RBFOX3: variants seen among roughly 807,000 people sequenced by gnomAD.
The protein encoded by RBFOX3 is RNA binding protein fox-1 homolog 3.
RBFOX3 carries 17 observed loss-of-function variants against 48.7 expected under a neutral mutation model. The observed-to-expected ratio is 0.35, with a 90% confidence interval of 0.24 to 0.52. The LOEUF is 0.52. Ranked by LOEUF, RBFOX3 falls within the 20% of genes least tolerant of loss-of-function variation. The probability of loss-of-function intolerance (pLI) is 0.94; values close to 1 mark genes in which losing one functional copy is unlikely to be tolerated. For missense variants in RBFOX3, 382 were observed against 497.5 expected, an observed-to-expected ratio of 0.77 and a Z score of 2.21; for synonymous variants, 212 against 209.5, an observed-to-expected ratio of 1.01 and a Z score of -0.10.
intron 1 of RBFOX3, among the ~76,000 whole-genome samples, chr17:79,533,293 G>A (rs1032840495): frequency 5.9e-5 from 9 of 152,268 alleles, no homozygotes; most frequent in South Asian, 2.1e-4. Flanking sequence ...GCAGAGAGTC[G>A]AGTCCAGGCA....
In RBFOX3 at chr17:79,299,527, G is replaced by C. The variant is rs1375380867; in HGVS notation, c.-74+8197C>G. Among the ~76,000 whole-genome samples the C allele has an allele frequency of 6.6e-6, 1 of 152,230 alleles. No homozygotes were observed. Among genetic ancestry groups the C allele is most frequent in the East Asian group, 1.9e-4 (1 of 5,190 alleles). The stretch of plus-strand genomic sequence containing the variant: ...GAGGCCTTGTGCGTCACCTAGAGGT[G>C]ATCTCCAGGGTACTGGAGGATGCAC... On this transcript the variant is annotated intron_variant, in intron 3 of 14. Transcript: ENST00000693108. The surrounding 1 kb of genome is among the most constrained non-coding windows in gnomAD (Gnocchi z 4.5).
Position 79,482,061 on chromosome 17 carries a change from G to T in RBFOX3, c.-175+393C>A, listed in dbSNP as rs367856957. Among the ~76,000 whole-genome samples, 2 of 152,132 alleles carry T rather than the reference G, an allele frequency of 1.3e-5. No individual in the cohort carries two copies. Among genetic ancestry groups the T allele is most frequent in the African/African-American group, 2.4e-5 (1 of 41,422 alleles). On this transcript the variant is annotated intron_variant, in intron 2 of 14. Coordinates refer to ENST00000693108, the MANE Select transcript of RBFOX3 (RefSeq NM_001350451.2). The surrounding 1 kb of genome is among the most constrained non-coding windows in gnomAD (Gnocchi z 4.1). ...AAGGCTTCAGGGCCCTCCCTGAGCC[G>T]CGGAGCAATCTGGGCAGCAGAACAC...
At chr17:79,647,465 C>T in the RBFOX3 span, among the ~76,000 whole-genome samples, 1 of 152,128 alleles carries the variant, frequency 6.6e-6, no homozygotes, top group African/African-American at 2.4e-5. Context: ...ATGCAACTGC[C>T]GGGGAGGATG....
chr17:79,278,062 A>G (rs574232008), intron 3 of RBFOX3, among the ~76,000 whole-genome samples: 1 of 152,336 alleles, frequency 6.6e-6, no homozygotes, highest in East Asian at 1.9e-4. Flanking sequence ...ATGTACACAA[A>G]ATGCCAACAT....
At chr17:79,310,499 A>C (rs1598202684) in intron 2 of RBFOX3, among the ~76,000 whole-genome samples, 1 of 149,130 alleles carries the variant, frequency 6.7e-6, no homozygotes, top group Admixed American at 6.7e-5. Context: ...GGCCCCTCCC[A>C]CCCCTCTCTT....
intron 1 of RBFOX3, among the ~76,000 whole-genome samples, chr17:79,500,505 C>T (rs1473060577): frequency 1.3e-5 from 2 of 152,134 alleles, no homozygotes; most frequent in Non-Finnish European, 2.9e-5. Context: ...GATCCTCCCG[C>T]CTTGGCCTCC....
intron 2 of RBFOX3, among the ~76,000 whole-genome samples, chr17:79,408,376 G>A (rs762093013): frequency 6.6e-6 from 1 of 152,186 alleles, no homozygotes; most frequent in African/African-American, 2.4e-5. Context: ...GTGAGTCCAC[G>A]GGGCAGAATC....
chr17:79,417,248 C>A (rs2065523951), intron 2 of RBFOX3, among the ~76,000 whole-genome samples: 1 of 152,184 alleles, frequency 6.6e-6, no homozygotes, highest in Admixed American at 6.5e-5. Flanking sequence ...GTCTCTCAGC[C>A]CCTCAGCCTC....
At chr17:79,387,172 G>C (rs945659482) in intron 2 of RBFOX3, among the ~76,000 whole-genome samples, 1 of 152,152 alleles carries the variant, frequency 6.6e-6, no homozygotes, top group Non-Finnish European at 1.5e-5. Flanking sequence ...CAAGCATGGG[G>C]TCTGGCCACA....
intron 2 of RBFOX3, among the ~76,000 whole-genome samples, chr17:79,372,690 A>G (rs905393144): frequency 6.6e-6 from 1 of 152,160 alleles, no homozygotes; most frequent in Admixed American, 6.5e-5. Context: ...GGGCAGGGAC[A>G]GACGTGTGAG....
chr17:79,336,346 C>T (rs2081185797), intron 2 of RBFOX3, among the ~76,000 whole-genome samples: 1 of 151,842 alleles, frequency 6.6e-6, no homozygotes, highest in South Asian at 2.1e-4. Context: ...AAGATCGCAC[C>T]ACTGCATTCC....
intron 2 of RBFOX3, among the ~76,000 whole-genome samples, chr17:79,337,721 A>T (rs1409546371): frequency 1.3e-5 from 2 of 152,176 alleles, no homozygotes; most frequent in African/African-American, 4.8e-5. Flanking sequence ...GGTTGCAGTG[A>T]GGTGAGACTG....
intron 1 of RBFOX3, among the ~76,000 whole-genome samples, chr17:79,511,442 G>A (rs1371342028): frequency 2.0e-5 from 3 of 152,174 alleles, no homozygotes; most frequent in African/African-American, 4.8e-5. Context: ...AGGAGGAGTC[G>A]TGGAAATGGG....
intron 2 of RBFOX3, among the ~76,000 whole-genome samples, chr17:79,412,544 T>C (rs1370350715): frequency 6.6e-6 from 1 of 151,654 alleles, no homozygotes; most frequent in African/African-American, 2.4e-5. Context: ...GCATGTGTTG[T>C]ATGTGATATG....
At chr17:79,646,548 C>T in the RBFOX3 span, among the ~76,000 whole-genome samples, 1 of 152,156 alleles carries the variant, frequency 6.6e-6, no homozygotes, top group African/African-American at 2.4e-5. Flanking sequence ...ACTTATAAAA[C>T]CATCAGCTGT....
At chr17:79,172,374 T>G (rs1245407455) in intron 4 of RBFOX3, among the ~76,000 whole-genome samples, 1 of 152,210 alleles carries the variant, frequency 6.6e-6, no homozygotes, top group Non-Finnish European at 1.5e-5. Flanking sequence ...GAAACCTTTG[T>G]CACAGACACA....
At chr17:79,247,991 C>T (rs1238164708) in intron 3 of RBFOX3, among the ~76,000 whole-genome samples, 1 of 150,008 alleles carries the variant, frequency 6.7e-6, no homozygotes, top group East Asian at 2.0e-4. Context: ...TAGCACAGTG[C>T]CTGGCCCACA....
intron 4 of RBFOX3, among the ~76,000 whole-genome samples, chr17:79,215,392 G>A (rs1205768013): frequency 1.3e-5 from 2 of 152,224 alleles, no homozygotes; most frequent in Non-Finnish European, 2.9e-5. Context: ...CCCTACTCAT[G>A]CTCAGACGTG....
At chr17:79,292,345 T>C (rs114162195) in intron 3 of RBFOX3, among the ~76,000 whole-genome samples, 1,532 of 152,124 alleles carry the variant, frequency 0.01, 28 homozygotes, top group African/African-American at 0.035. Flanking sequence ...GAATTTATTC[T>C]ATTGTGCCTT....
Sources: gnomAD v4.1 joint callset for allele counts (sites outside exome capture counted in the v4.1 genomes callset) on GRCh38, gnomAD v4.1.1 for gene constraint, Gnocchi (gnomAD v3.1) non-coding constraint, MANE v1.5 for transcripts, NCBI Gene and HGNC (gene_info 2026-07-23, HGNC 2026-07-21) for gene names.